UBALD2: variants seen among roughly 807,000 people sequenced by gnomAD.
UBALD2 encodes the protein UBA-like domain-containing protein 2.
Under a neutral mutation model 15.9 loss-of-function variants are expected in UBALD2, and 8 were observed. The ratio of observed to expected loss-of-function variants is 0.50; its 90% CI spans 0.29 to 0.91. UBALD2 has a LOEUF of 0.91. Ranked by LOEUF, UBALD2 falls within the 40% of genes least tolerant of loss-of-function variation. The pLI is 0.07. For synonymous variants in UBALD2, 113 were observed against 97.7 expected, an observed-to-expected ratio of 1.16 and a Z score of -0.93; for missense variants, 178 against 234.8, an observed-to-expected ratio of 0.76 and a Z score of 1.58.
At position 76,269,804 on chromosome 17, in the gene UBALD2, A is replaced by G. The variant is rs1249056831; in HGVS notation, c.184-390A>G. 2.0e-5 allele frequency among the ~76,000 whole-genome samples: 3 copies of G among 152,214 alleles called. No individual in the cohort carries two copies. The East Asian group carries it at 5.8e-4, about 29-fold the overall frequency. On this transcript the variant is annotated intron_variant, in intron 2 of 2. Coordinates refer to ENST00000327490, the MANE Select transcript of UBALD2 (RefSeq NM_182565.4). This position sits in a 1 kb window ranked among gnomAD's most constrained non-coding sequence, Gnocchi z 4.6. ...CTCCCTTGCCTAGCAGCCTGGGAGCATCTGAGGGTGGCTGGTGGGGCAGTC... is the reference window on the plus strand; with the variant it reads ...CTCCCTTGCCTAGCAGCCTGGGAGCGTCTGAGGGTGGCTGGTGGGGCAGTC...
At chr17:76,267,372 C>G (rs765117753) in intron 2 of UBALD2, among the ~76,000 whole-genome samples, 9 of 152,084 alleles carry the variant, frequency 5.9e-5, no homozygotes, top group Non-Finnish European at 1.3e-4. Flanking sequence ...AAGCTTCCCT[C>G]AAGGAAGGCA....
chr17:76,266,732 G>C (rs2070548531), intron 2 of UBALD2, among the ~76,000 whole-genome samples: 1 of 152,106 alleles, frequency 6.6e-6, no homozygotes, highest in Non-Finnish European at 1.5e-5. Context: ...GGGGTACTCT[G>C]CTTTCTTGAG....
intron 2 of UBALD2, among the ~76,000 whole-genome samples, chr17:76,266,379 C>T (rs920887406): frequency 2.2e-4 from 33 of 151,726 alleles, no homozygotes; most frequent in African/African-American, 7.8e-4. Context: ...TATGGGGACC[C>T]CCTCGTGCTG....
intron 2 of UBALD2, 116 bp from the exon 3 acceptor site, chr17:76,270,078 C>A (rs950438459): frequency 8.9e-7 from 1 of 1,118,704 alleles, no homozygotes. Flanking sequence ...GCTGCTTGTG[C>A]GAAAATGAAT....
intron 1 of UBALD2, 61 bp from the exon 2 acceptor site, chr17:76,265,846 C>T: frequency 6.5e-7 from 1 of 1,546,404 alleles, no homozygotes; most frequent in Non-Finnish European, 8.7e-7. Context: ...GGTGGGGGGC[C>T]CAGCCGCTGC....
intron 2 of UBALD2, among the ~76,000 whole-genome samples, chr17:76,267,094 G>T (rs1057455191): frequency 4.6e-5 from 7 of 152,118 alleles, no homozygotes; most frequent in Non-Finnish European, 7.4e-5. Context: ...ATCTCCAGGG[G>T]ACACCGTCCC....
chr17:76,267,614 G>T (rs1469372586), intron 2 of UBALD2, among the ~76,000 whole-genome samples: 1 of 149,092 alleles, frequency 6.7e-6, no homozygotes, highest in African/African-American at 2.5e-5. Context: ...TCAGCCTCCC[G>T]AAGTGCTGGG....
rs1040295818 is a variant in UBALD2, at chr17:76,269,104, A to C, written c.184-1090A>C. Among the ~76,000 whole-genome samples the C allele has an allele frequency of 1.3e-5, 2 of 152,082 alleles. No homozygotes were observed. Among genetic ancestry groups the C allele is most frequent in the African/African-American group, 4.8e-5 (2 of 41,406 alleles). On this transcript the variant is annotated intron_variant, in intron 2 of 2. Coordinates refer to ENST00000327490, the MANE Select transcript of UBALD2 (RefSeq NM_182565.4). The surrounding 1 kb of genome is among the most constrained non-coding windows in gnomAD (Gnocchi z 4.6). ...AACTCCTGCGCCTGGGGGAGGGGCC[A>C]GTGTTGCTAAAATTAGGAGAAATTC... is the stretch of plus-strand genomic sequence containing the variant.
In UBALD2 at chr17:76,269,525, G is replaced by A. The variant is rs2070569785; in HGVS notation, c.184-669G>A. Reference sequence around the variant, plus strand: ...AGAGCTTGGGCCTGCAGACTTGGGAGCTGGGGAGGTCCGTCTTCTCAACTT... The same window carrying A: ...AGAGCTTGGGCCTGCAGACTTGGGAACTGGGGAGGTCCGTCTTCTCAACTT... On this transcript the variant is annotated intron_variant, in intron 2 of 2. Coordinates refer to ENST00000327490, the MANE Select transcript of UBALD2 (RefSeq NM_182565.4). This position sits in a 1 kb window ranked among gnomAD's most constrained non-coding sequence, Gnocchi z 4.6. 6.6e-6 allele frequency among the ~76,000 whole-genome samples: 1 copy of A among 152,204 alleles called. No individual in the cohort carries two copies. The highest frequency in any genetic ancestry group is 6.5e-5 in the Admixed American group (1 of 15,284).
intron 2 of UBALD2, among the ~76,000 whole-genome samples, chr17:76,266,727 A>G (rs1044279319): frequency 8.6e-5 from 13 of 151,914 alleles, no homozygotes; most frequent in African/African-American, 2.9e-4. Context: ...GCCATGGGGT[A>G]CTCTGCTTTC....
Position 76,266,084 on chromosome 17 carries a change from A to G in UBALD2, c.183+115A>G. 3.8e-6 allele frequency: 5 copies of G among 1,330,276 alleles called. No individual in the cohort carries two copies. The Admixed American group carries it at 1.1e-4, about 30-fold the overall frequency. 82.4% of individuals were successfully genotyped at this position (1,330,276 alleles called of 1,614,324 possible). A position where few individuals can be genotyped will look rare whatever the true frequency, so the allele number is the denominator to read the frequency against. On this transcript the variant is annotated intron_variant, in intron 2 of 2. Coordinates refer to ENST00000327490, the MANE Select transcript of UBALD2 (RefSeq NM_182565.4). ...TAAACAAAGAGCCAAAATGTCTTCC[A>G]GGAAAGAGCGGCTCCCGGGCCGGCG... is the stretch of plus-strand genomic sequence containing the variant.
rs1433306387 is a variant in UBALD2 at position 76,270,759 on chromosome 17, A to G, written c.*254A>G. The G allele has an allele frequency of 2.4e-5, 8 of 327,148 alleles. No individual in the cohort carries two copies. The highest frequency in any genetic ancestry group is 9.6e-5 in the Admixed American group (2 of 20,896). The allele number at this position is 327,148 out of a possible 1,614,324, so 20.3% of individuals were successfully genotyped here. A position where few individuals can be genotyped will look rare whatever the true frequency, so the allele number is the denominator to read the frequency against. ...CTATAATATATATGAATAGATAAATATAACTAATGTGCGTGAGAATGGGCC... is the reference window on the plus strand; with the variant it reads ...CTATAATATATATGAATAGATAAATGTAACTAATGTGCGTGAGAATGGGCC... On this transcript the variant is annotated 3_prime_UTR_variant, in exon 3 of 3. Coordinates refer to ENST00000327490, the MANE Select transcript of UBALD2 (RefSeq NM_182565.4).
Position 76,270,342 on chromosome 17 carries a change from C to T in UBALD2, c.332C>T (p.Pro111Leu), listed in dbSNP as rs1482123666. The change falls in exon 3 of 3, where the codon CCC becomes CTC. Residue 111 changes from proline (P) to leucine (L), a missense_variant. Transcript: ENST00000327490. The part of the protein sequence containing the change: ...AACSPPANFS[P>L]FWASSPPSHQ... ...TGCTCCCCACCTGCAAACTTCAGCC[C>T]CTTCTGGGCCTCGTCCCCGCCCAGC... is the stretch of plus-strand genomic sequence containing the variant. 1 of 1,598,196 alleles carries T rather than the reference C, an allele frequency of 6.3e-7. No individual in the cohort carries two copies. The highest frequency in any genetic ancestry group is 8.5e-7 in the Non-Finnish European group (1 of 1,175,250).
intron 2 of UBALD2, among the ~76,000 whole-genome samples, chr17:76,268,007 C>T (rs1049284373): frequency 6.6e-6 from 1 of 152,136 alleles, no homozygotes; most frequent in Admixed American, 6.5e-5. Flanking sequence ...GATCAAAAAA[C>T]GAAACACTAG....
In UBALD2 at chr17:76,269,445, G is replaced by C. The variant is rs77648154; in HGVS notation, c.184-749G>C. On this transcript the variant is annotated intron_variant, in intron 2 of 2. Transcript: ENST00000327490. The surrounding 1 kb of genome is among the most constrained non-coding windows in gnomAD (Gnocchi z 4.6). Reference sequence around the variant, plus strand: ...GAAATCCCTGGTTTGTGTCCTCAAGGGGCCCAGATATAAAGGGGCTCTTGA... The same window carrying C: ...GAAATCCCTGGTTTGTGTCCTCAAGCGGCCCAGATATAAAGGGGCTCTTGA... 7.3e-4 allele frequency among the ~76,000 whole-genome samples: 110 copies of C among 151,630 alleles called. 1 individual carries two copies. The highest frequency in any genetic ancestry group is 2.6e-3 in the African/African-American group (105 of 41,066).
chr17:76,266,687 C>T (rs994663481), intron 2 of UBALD2, among the ~76,000 whole-genome samples: 1 of 152,180 alleles, frequency 6.6e-6, no homozygotes, highest in Non-Finnish European at 1.5e-5. Flanking sequence ...CTTTTTCATT[C>T]TAGCCCAGGC....
rs190124792 is a variant in UBALD2, at chr17:76,266,889, A to G, written c.183+920A>G. On this transcript the variant is annotated intron_variant, in intron 2 of 2. Transcript: ENST00000327490. ...CTCTAGGTGCATTTTTGGGATTTTT[A>G]ACACTTGGTGCCCTTGCCTTTGGCT... 8.3e-4 allele frequency among the ~76,000 whole-genome samples: 126 copies of G among 152,158 alleles called. 2 individuals are homozygous for G. The South Asian group carries it at 0.022, about 27-fold the overall frequency.
Position 76,265,532 on chromosome 17 carries a change from GC to G in UBALD2, c.28del (p.His10ThrfsTer4). The G allele has an allele frequency of 7.6e-7, 1 of 1,311,934 alleles. No individual in the cohort carries two copies. The highest frequency in any genetic ancestry group is 1.5e-5 in the South Asian group (1 of 66,168). 81.3% of individuals were successfully genotyped at this position (1,311,934 alleles called of 1,614,324 possible). On this transcript the variant is annotated frameshift_variant, in exon 1 of 3. Transcript: ENST00000327490. LOFTEE classifies it high-confidence loss of function. Reference protein sequence around the residue: MSVNMDELRHQVMINQFVLA... With the variant: MSVNMDELRXQVMINQFVLA... ...TGTCGGTGAACATGGACGAGCTGCG[GC>G]ACCAGGTCATGATCAACCAGTTCGT...
chr17:76,266,701 A>G (rs1259612340), intron 2 of UBALD2, among the ~76,000 whole-genome samples: 1 of 152,148 alleles, frequency 6.6e-6, no homozygotes. Flanking sequence ...CCCAGGCCCA[A>G]GCTTTTGCCC....
Sources: gnomAD v4.1 joint callset for allele counts (sites outside exome capture counted in the v4.1 genomes callset) on GRCh38, gnomAD v4.1.1 for gene constraint, Gnocchi (gnomAD v3.1) non-coding constraint, MANE v1.5 for transcripts, NCBI Gene and HGNC (gene_info 2026-07-23, HGNC 2026-07-21) for gene names.